Variants in EPDR1 observed in about 807,000 individuals in gnomAD.
The protein encoded by EPDR1 is ependymin related 1, also known as mammalian ependymin-related protein 1.
A neutral mutation model predicts 23.7 loss-of-function variants in EPDR1; 27 were observed. The observed-to-expected ratio is 1.14, with a 90% confidence interval of 0.84 to 1.57. The LOEUF is 1.57. Ranked by LOEUF, EPDR1 falls within the 40% of genes most tolerant of loss-of-function variation. EPDR1 has a pLI of 0.00. For synonymous variants in EPDR1, 137 were observed against 118.2 expected (o/e 1.16, Z -1.03); for missense variants, 349 against 290.4 (o/e 1.20, Z -1.47).
chr7:37,923,547 T>C (rs972384393), intron 1 of EPDR1, among the ~76,000 whole-genome samples: 1 of 152,134 alleles, frequency 6.6e-6, no homozygotes, highest in Non-Finnish European at 1.5e-5. Flanking sequence ...TGTGAAGACT[T>C]GTACAGTAGT....
At position 37,950,373 on chromosome 7, in the gene EPDR1, A is replaced by T. The variant is rs778758304; in HGVS notation, c.652A>T (p.Met218Leu). 6.2e-7 allele frequency: 1 copy of T among 1,613,348 alleles called. No homozygotes were observed. Among genetic ancestry groups the T allele is most frequent in the Non-Finnish European group, 8.5e-7 (1 of 1,179,660 alleles). The change falls in exon 3 of 3, where the codon ATG becomes TTG. Residue 218 changes from methionine to leucine, a missense_variant. Transcript: ENST00000199448. The stretch of plus-strand genomic sequence containing the variant: ...GTGCCAGATGGCCCAACTGGAGAAG[A>T]TGAGCGAAGACTGCTCCTGGTGAGC... ...STCQMAQLEK[M>L]SEDCSW
intron 1 of EPDR1, among the ~76,000 whole-genome samples, chr7:37,929,220 C>T (rs747723194): frequency 3.3e-5 from 5 of 152,208 alleles, no homozygotes; most frequent in Non-Finnish European, 7.3e-5. Context: ...ATCCAAGGCA[C>T]TTATGACTAT....
chr7:37,922,103 CT>C (rs1013722248), intron 1 of EPDR1, among the ~76,000 whole-genome samples: 30 of 152,168 alleles, frequency 2.0e-4, no homozygotes, highest in African/African-American at 5.8e-4. Context: ...GCCGTTCCCC[CT>C]AAGTGTGTTC....
At chr7:37,921,609 T>C (rs1419367495) in intron 1 of EPDR1, among the ~76,000 whole-genome samples, 2 of 152,232 alleles carry the variant, frequency 1.3e-5, no homozygotes, top group East Asian at 1.9e-4. Flanking sequence ...TCTAGAGACA[T>C]CTGCTAGAGA....
intron 1 of EPDR1, among the ~76,000 whole-genome samples, chr7:37,924,392 T>A (rs1188597601): frequency 6.6e-6 from 1 of 152,238 alleles, no homozygotes; most frequent in Non-Finnish European, 1.5e-5. Context: ...GTGGTGGTTC[T>A]GTGCTACCCC....
At chr7:37,930,225 G>A (rs1433756601) in intron 1 of EPDR1, among the ~76,000 whole-genome samples, 2 of 152,190 alleles carry the variant, frequency 1.3e-5, no homozygotes, top group African/African-American at 4.8e-5. Context: ...CCTTGGAAGA[G>A]GCACCAGAGT....
At chr7:37,933,918 C>T (rs1373288921) in intron 1 of EPDR1, among the ~76,000 whole-genome samples, 1 of 151,708 alleles carries the variant, frequency 6.6e-6, no homozygotes, top group Non-Finnish European at 1.5e-5. Context: ...GTTCCTAGGT[C>T]TGATTCAACA....
intron 1 of EPDR1, among the ~76,000 whole-genome samples, chr7:37,923,137 G>C (rs756630112): frequency 2.2e-4 from 34 of 152,192 alleles, no homozygotes; most frequent in Non-Finnish European, 3.7e-4. Flanking sequence ...TTTGTGATTA[G>C]ATTATATAAA....
intron 1 of EPDR1, among the ~76,000 whole-genome samples, chr7:37,944,599 G>C (rs760048635): frequency 6.6e-6 from 1 of 152,234 alleles, no homozygotes; most frequent in Admixed American, 6.5e-5. Context: ...GCAGGCAAGA[G>C]AGAGCTTATG....
chr7:37,924,306 C>A (rs1253003034), intron 1 of EPDR1, among the ~76,000 whole-genome samples: 1 of 152,180 alleles, frequency 6.6e-6, no homozygotes, highest in Non-Finnish European at 1.5e-5. Flanking sequence ...ATAAGACAGG[C>A]CAGCCTGGGG....
At chr7:37,939,740 A>G (rs1786133089) in intron 1 of EPDR1, among the ~76,000 whole-genome samples, 1 of 152,232 alleles carries the variant, frequency 6.6e-6, no homozygotes, top group Admixed American at 6.5e-5. Context: ...ACAAAAACCT[A>G]GTAGTCAGAT....
intron 2 of EPDR1, among the ~76,000 whole-genome samples, chr7:37,949,524 G>A (rs890401846): frequency 6.6e-6 from 1 of 152,054 alleles, no homozygotes; most frequent in African/African-American, 2.4e-5. Context: ...TACCACACAG[G>A]CATTCATGCT....
intron 1 of EPDR1, among the ~76,000 whole-genome samples, chr7:37,935,891 A>G (rs1786035403): frequency 6.7e-6 from 1 of 150,126 alleles, no homozygotes; most frequent in South Asian, 2.1e-4. Flanking sequence ...AAACACAGAA[A>G]GGTAAAAGGT....
intron 1 of EPDR1, among the ~76,000 whole-genome samples, chr7:37,923,364 C>T (rs576714958): frequency 6.0e-4 from 92 of 152,174 alleles, no homozygotes; most frequent in South Asian, 3.9e-3. Flanking sequence ...CATGATTGGA[C>T]GGGTTGTGGC....
intron 1 of EPDR1, among the ~76,000 whole-genome samples, chr7:37,935,631 C>T (rs531634146): frequency 4.3e-4 from 65 of 152,146 alleles, no homozygotes; most frequent in African/African-American, 1.1e-3. Flanking sequence ...TAACCTTTTA[C>T]GTTGTCTGTA....
At chr7:37,933,981 T>G (rs1261561072) in intron 1 of EPDR1, among the ~76,000 whole-genome samples, 1 of 150,650 alleles carries the variant, frequency 6.6e-6, no homozygotes, top group African/African-American at 2.4e-5. Context: ...CCATTCTTTT[T>G]TTTTTTTTTT....
chr7:37,937,336 C>A (rs993610869), intron 1 of EPDR1, among the ~76,000 whole-genome samples: 3 of 152,038 alleles, frequency 2.0e-5, no homozygotes, highest in African/African-American at 4.8e-5. Context: ...GAGTAGGAAG[C>A]TTTTTTTAAA....
At chr7:37,925,953 A>G (rs1192478419) in intron 1 of EPDR1, among the ~76,000 whole-genome samples, 1 of 152,032 alleles carries the variant, frequency 6.6e-6, no homozygotes, top group African/African-American at 2.4e-5. Context: ...TCTCTTTTTC[A>G]TCTAAGCCTG....
chr7:37,930,623 C>A (rs772023214), intron 1 of EPDR1, among the ~76,000 whole-genome samples: 33 of 152,122 alleles, frequency 2.2e-4, no homozygotes, highest in Non-Finnish European at 4.7e-4. Context: ...TCAGGCACGG[C>A]CTGGCTTACC....
Sources: gnomAD v4.1 joint callset for allele counts (sites outside exome capture counted in the v4.1 genomes callset) on GRCh38, gnomAD v4.1.1 for gene constraint, MANE v1.5 for transcripts, NCBI Gene and HGNC (gene_info 2026-07-23, HGNC 2026-07-21) for gene names.